DOCK2: variants seen among roughly 807,000 people sequenced by gnomAD.
DOCK2 encodes the protein dedicator of cytokinesis protein 2.
A neutral mutation model predicts 248.9 loss-of-function variants in DOCK2; 87 were observed. That is an observed-to-expected ratio of 0.35 (90% CI 0.29 to 0.42). The LOEUF (loss-of-function observed/expected upper bound fraction) is 0.42. DOCK2 is among the 10% of genes least tolerant of loss of function. DOCK2 has a pLI of 1.00. For synonymous variants in DOCK2, 805 were observed against 821.6 expected, an observed-to-expected ratio of 0.98 and a Z score of 0.35; for missense variants, 1,747 against 2,300.2, an observed-to-expected ratio of 0.76 and a Z score of 4.92.
chr5:169,894,888 G>A (rs1470519530), intron 27 of DOCK2, among the ~76,000 whole-genome samples: 3 of 152,178 alleles, frequency 2.0e-5, no homozygotes, highest in Non-Finnish European at 4.4e-5. Flanking sequence ...TAATAAAAAC[G>A]AAACTCAAGG....
chr5:170,028,109 T>C (rs1373621908), intron 34 of DOCK2, among the ~76,000 whole-genome samples, 161 bp downstream of exon 34: 1 of 152,178 alleles, frequency 6.6e-6, no homozygotes, highest in African/African-American at 2.4e-5. Flanking sequence ...AAACCTCACA[T>C]TTCTCTCTGG....
chr5:169,951,967 G>A (rs1274128605), intron 27 of DOCK2, among the ~76,000 whole-genome samples: 2 of 152,150 alleles, frequency 1.3e-5, no homozygotes, highest in African/African-American at 2.4e-5. Context: ...CTCTCAGCCA[G>A]GAAGTCACTC....
At chr5:169,729,947 A>C (rs1762680662) in intron 22 of DOCK2, among the ~76,000 whole-genome samples, 1 of 151,838 alleles carries the variant, frequency 6.6e-6, no homozygotes, top group African/African-American at 2.4e-5. Flanking sequence ...TGAAAATGTG[A>C]TATTTATTTA....
intron 25 of DOCK2, among the ~76,000 whole-genome samples, chr5:169,772,089 A>G (rs893531843): frequency 5.9e-5 from 9 of 152,104 alleles, no homozygotes; most frequent in Non-Finnish European, 2.9e-5. Flanking sequence ...TATAGCCTAG[A>G]TTCAATCTCC....
intron 15 of DOCK2, 53 bp downstream of exon 15, chr5:169,708,320 G>T: frequency 1.3e-6 from 2 of 1,536,888 alleles, no homozygotes; most frequent in East Asian, 2.3e-5. Flanking sequence ...CATGAACCAG[G>T]CACTGTTTTA....
intron 33 of DOCK2, 78 bp from the exon 34 acceptor site, chr5:170,027,785 G>T: frequency 7.3e-7 from 1 of 1,376,792 alleles, no homozygotes; most frequent in Non-Finnish European, 1.0e-6. Flanking sequence ...CTAAAGCTTT[G>T]GTTGAAATAA....
chr5:169,918,538 C>G (rs1489894589), intron 27 of DOCK2, among the ~76,000 whole-genome samples: 1 of 152,214 alleles, frequency 6.6e-6, no homozygotes, highest in African/African-American at 2.4e-5. Context: ...GTGAAATAGA[C>G]AAATCTTCTA....
At chr5:169,797,276 G>A (rs1317198523) in intron 25 of DOCK2, among the ~76,000 whole-genome samples, 1 of 152,206 alleles carries the variant, frequency 6.6e-6, no homozygotes, top group African/African-American at 2.4e-5. Context: ...GCTGGATTGT[G>A]GCTGTGATTG....
intron 27 of DOCK2, among the ~76,000 whole-genome samples, chr5:169,845,385 A>G (rs561507021): frequency 6.6e-6 from 1 of 151,964 alleles, no homozygotes; most frequent in Non-Finnish European, 1.5e-5. Flanking sequence ...CTCTATTTGT[A>G]GGCTCTCCCC....
At chr5:170,028,718 A>G (rs1468506143) in intron 34 of DOCK2, among the ~76,000 whole-genome samples, 2 of 151,074 alleles carry the variant, frequency 1.3e-5, no homozygotes, top group Non-Finnish European at 2.9e-5. Flanking sequence ...GCAAACCTGC[A>G]CCCCTTAGCC....
At chr5:170,040,169 C>T (rs1756466206) in intron 36 of DOCK2, among the ~76,000 whole-genome samples, 1 of 152,204 alleles carries the variant, frequency 6.6e-6, no homozygotes, top group African/African-American at 2.4e-5. Flanking sequence ...TTTATATGCC[C>T]AGTCACTTTA....
chr5:169,706,519 A>T (rs1761277206), intron 14 of DOCK2, among the ~76,000 whole-genome samples: 1 of 152,204 alleles, frequency 6.6e-6, no homozygotes, highest in Non-Finnish European at 1.5e-5. Flanking sequence ...TGAGGACTGA[A>T]TTAAGCGAGG....
chr5:170,070,481 G>A (rs1757644144), intron 46 of DOCK2, among the ~76,000 whole-genome samples: 2 of 152,200 alleles, frequency 1.3e-5, no homozygotes, highest in South Asian at 2.1e-4. Context: ...TGTCTGTCTG[G>A]AATTTTCTCT....
intron 22 of DOCK2, among the ~76,000 whole-genome samples, chr5:169,725,305 C>T (rs148835197): frequency 3.7e-4 from 57 of 152,096 alleles, no homozygotes; most frequent in East Asian, 9.7e-4. Context: ...AAACTGTCAC[C>T]GAAAGGATAT....
chr5:169,637,280 C>A lies in DOCK2; in HGVS notation c.-47C>A. ...AGTGGGGCCCTGCGGCGCCCAGCCA[C>A]CCCCTGACGGCTTCCCCACGGGAGG... On this transcript the variant is annotated 5_prime_UTR_variant, in exon 1 of 52. Transcript: ENST00000520908. 1 of 1,432,828 alleles carries A rather than the reference C, an allele frequency of 7.0e-7. No individual in the cohort carries two copies. The allele number at this position is 1,432,828 out of a possible 1,614,324, so 88.8% of individuals were successfully genotyped here.
chr5:169,705,751 T>C (rs1290221031), intron 14 of DOCK2, among the ~76,000 whole-genome samples: 1 of 152,210 alleles, frequency 6.6e-6, no homozygotes, highest in Non-Finnish European at 1.5e-5. Context: ...TGTGTTCACA[T>C]CCCTGGTGTC....
At chr5:170,037,580 G>C (rs1003591295) in intron 36 of DOCK2, among the ~76,000 whole-genome samples, 10 of 150,456 alleles carry the variant, frequency 6.6e-5, no homozygotes, top group African/African-American at 2.4e-4. Context: ...TCTGCCTCCC[G>C]GGTTCAAGTG....
rs536454682 is a variant in DOCK2, at chr5:170,050,707, C to G, written c.4213+310C>G. Among the ~76,000 whole-genome samples the G allele has an allele frequency of 1.3e-4, 20 of 150,922 alleles. No homozygotes were observed. The South Asian group carries it at 4.2e-3, about 31-fold the overall frequency. On this transcript the variant is annotated intron_variant, in intron 41 of 51. Transcript: ENST00000520908. ...GGAAAGACGCTTGCTCTGGCGTGCT[C>G]CAACTTGCTCCCTGCAGTAAGTTCC...
intron 27 of DOCK2, among the ~76,000 whole-genome samples, chr5:169,895,064 G>T (rs1306944828): frequency 6.6e-6 from 1 of 152,072 alleles, no homozygotes; most frequent in Non-Finnish European, 1.5e-5. Context: ...TGCATTCTGG[G>T]ACTTAGGCTC....
Sources: gnomAD v4.1 joint callset for allele counts (sites outside exome capture counted in the v4.1 genomes callset) on GRCh38, gnomAD v4.1.1 for gene constraint, MANE v1.5 for transcripts, NCBI Gene and HGNC (gene_info 2026-07-23, HGNC 2026-07-21) for gene names.